SDK1: variants seen among roughly 807,000 people sequenced by gnomAD.
The protein encoded by SDK1 is sidekick cell adhesion molecule 1.
In SDK1, 157 loss-of-function variants were observed where a neutral mutation model predicts 245.5. That is an observed-to-expected ratio of 0.64 (90% CI 0.56 to 0.73). The LOEUF is 0.73. Among genes scored for constraint, SDK1 ranks in the 30% least tolerant of loss-of-function variants. SDK1 has a pLI of 0.00. For missense variants in SDK1, 3,583 were observed against 3,002.3 expected (o/e 1.19, Z -4.52); for synonymous variants, 1,647 against 1,278.5 (o/e 1.29, Z -6.15).
At chr7:4,062,695 A>G (rs781161629) in intron 19 of SDK1, among the ~76,000 whole-genome samples, 38 of 152,232 alleles carry the variant, frequency 2.5e-4, no homozygotes, top group Admixed American at 5.2e-4. Flanking sequence ...CATAGACACA[A>G]AAATCCTCAA....
At chr7:4,227,759 A>G (rs1311946195) in intron 40 of SDK1, among the ~76,000 whole-genome samples, 1 of 152,208 alleles carries the variant, frequency 6.6e-6, no homozygotes. Flanking sequence ...CGTTGGAGGG[A>G]TAAATTGAGT....
At chr7:4,201,677 G>A (rs190317642) in intron 35 of SDK1, among the ~76,000 whole-genome samples, 138 of 151,394 alleles carry the variant, frequency 9.1e-4, no homozygotes, top group African/African-American at 2.4e-3. Flanking sequence ...GGCGCCTGGC[G>A]TGGCACAGCG....
chr7:3,782,392 C>G (rs1033227687), intron 4 of SDK1, among the ~76,000 whole-genome samples: 2 of 152,160 alleles, frequency 1.3e-5, no homozygotes, highest in Admixed American at 6.5e-5. Context: ...GGCCTCACCT[C>G]CAAGAACGTG....
chr7:3,410,986 C>T (rs1475009436), intron 1 of SDK1, among the ~76,000 whole-genome samples: 1 of 152,038 alleles, frequency 6.6e-6, no homozygotes, highest in African/African-American at 2.4e-5. Flanking sequence ...GGACAAAATA[C>T]CTAACACACA....
Position 4,267,996 on chromosome 7 carries a change from G to A in SDK1, c.*2612G>A. On this transcript the variant is annotated 3_prime_UTR_variant, in exon 45 of 45. Coordinates refer to ENST00000404826, the MANE Select transcript of SDK1 (RefSeq NM_152744.4). ...ACAGTTCCTAACTCCTTATCTTCAGGGAAGGAAAAGAAAATCACAGCCTAG... is the reference window on the plus strand; with the variant it reads ...ACAGTTCCTAACTCCTTATCTTCAGAGAAGGAAAAGAAAATCACAGCCTAG... 1.0e-6 allele frequency: 1 copy of A among 985,460 alleles called. No homozygotes were observed. The highest frequency in any genetic ancestry group is 4.7e-5 in the South Asian group (1 of 21,288). The allele number at this position is 985,460 out of a possible 1,614,324, so 61.0% of individuals were successfully genotyped here. A position where few individuals can be genotyped will look rare whatever the true frequency, so the allele number is the denominator to read the frequency against.
chr7:3,773,111 T>A lies in SDK1; in HGVS notation c.714-48339T>A, dbSNP rs1036691032. ...TCAAATTTGGGAAGTTTTCAGCCCT[T>A]ATTTCTTCAAGTATACTTTCTGTTC... On this transcript the variant is annotated intron_variant, in intron 4 of 44. Transcript: ENST00000404826. Among the ~76,000 whole-genome samples the A allele has an allele frequency of 2.2e-4, 33 of 152,362 alleles. 1 individual carries two copies. The highest frequency in any genetic ancestry group is 1.4e-3 in the South Asian group (7 of 4,832).
intron 4 of SDK1, among the ~76,000 whole-genome samples, chr7:3,761,816 G>A (rs571919652): frequency 2.0e-5 from 3 of 152,130 alleles, no homozygotes; most frequent in Non-Finnish European, 4.4e-5. Context: ...AAAATCATAA[G>A]AATAATATGT....
At chr7:3,349,982 A>T (rs1403258279) in intron 1 of SDK1, among the ~76,000 whole-genome samples, 2 of 152,170 alleles carry the variant, frequency 1.3e-5, no homozygotes, top group Non-Finnish European at 2.9e-5. Context: ...TGGACTCTTG[A>T]TGAAGTAGCA....
At chr7:4,001,082 G>A (rs1330227027) in intron 14 of SDK1, among the ~76,000 whole-genome samples, 1 of 152,196 alleles carries the variant, frequency 6.6e-6, no homozygotes, top group African/African-American at 2.4e-5. Context: ...CTCTGGCCCA[G>A]GCTGTCCCAC....
chr7:3,911,045 C>G (rs574710557), intron 5 of SDK1, among the ~76,000 whole-genome samples: 41 of 152,302 alleles, frequency 2.7e-4, no homozygotes, highest in African/African-American at 9.4e-4. Context: ...AGAGGGTGGC[C>G]TTGCCTCTGG....
rs369672576 is a variant in SDK1, at chr7:3,910,115, A to G, written c.848-40808A>G. Reference sequence around the variant, plus strand: ...GAAAAAGAAAAAGTCCTGTGTGCGAATGGCCCCCTGCGTGGTGCTGCGTCA... The same window carrying G: ...GAAAAAGAAAAAGTCCTGTGTGCGAGTGGCCCCCTGCGTGGTGCTGCGTCA... On this transcript the variant is annotated intron_variant, in intron 5 of 44. Coordinates refer to ENST00000404826, the MANE Select transcript of SDK1 (RefSeq NM_152744.4). 5.3e-5 allele frequency among the ~76,000 whole-genome samples: 8 copies of G among 152,218 alleles called. No individual in the cohort carries two copies. The East Asian group carries it at 7.7e-4, about 15-fold the overall frequency.
chr7:3,491,902 G>C (rs1435477647), intron 1 of SDK1, among the ~76,000 whole-genome samples: 1 of 152,122 alleles, frequency 6.6e-6, no homozygotes, highest in Non-Finnish European at 1.5e-5. Flanking sequence ...ATTAACATTG[G>C]TAACAGTATA....
chr7:3,376,137 C>T (rs1278125091), intron 1 of SDK1, among the ~76,000 whole-genome samples: 4 of 152,084 alleles, frequency 2.6e-5, no homozygotes, highest in Admixed American at 1.3e-4. Context: ...TTTGAGGCTG[C>T]AGTGAGCCAT....
intron 4 of SDK1, among the ~76,000 whole-genome samples, chr7:3,805,174 T>TGGA (rs1353499542): frequency 3.9e-5 from 6 of 152,260 alleles, no homozygotes; most frequent in African/African-American, 1.4e-4. Context: ...TTGTGCTATA[T>TGGA]TTTATGCTAC....
chr7:4,101,149 ATTTTTT>A (rs376555352), intron 22 of SDK1, among the ~76,000 whole-genome samples: 1 of 137,708 alleles, frequency 7.3e-6, no homozygotes, highest in South Asian at 2.3e-4. Flanking sequence ...GGACACTTGC[ATTTTTT>A]TTTTTTTTTT....
intron 12 of SDK1, 74 bp downstream of exon 12, chr7:3,971,642 G>C: frequency 6.7e-5 from 74 of 1,102,552 alleles, no homozygotes; most frequent in Non-Finnish European, 9.6e-5. Flanking sequence ...TTGAGATGAG[G>C]AGGAAGAATT....
At chr7:3,989,248 C>G (rs1209068078) in intron 14 of SDK1, among the ~76,000 whole-genome samples, 1 of 152,214 alleles carries the variant, frequency 6.6e-6, no homozygotes, top group Non-Finnish European at 1.5e-5. Flanking sequence ...AAAGTCATGT[C>G]TCACATGGCG....
At chr7:3,505,964 T>C (rs966451897) in intron 1 of SDK1, among the ~76,000 whole-genome samples, 5 of 152,262 alleles carry the variant, frequency 3.3e-5, no homozygotes, top group African/African-American at 7.2e-5. Context: ...ATGTTTGTTA[T>C]AAGCTCTACA....
intron 5 of SDK1, among the ~76,000 whole-genome samples, chr7:3,852,776 A>T (rs896070560): frequency 8.2e-4 from 117 of 142,702 alleles, no homozygotes; most frequent in Middle Eastern, 3.7e-3. Context: ...AAAAAAAAAA[A>T]TTTTTTTCCT....
Sources: gnomAD v4.1 joint callset for allele counts (sites outside exome capture counted in the v4.1 genomes callset) on GRCh38, gnomAD v4.1.1 for gene constraint, MANE v1.5 for transcripts, NCBI Gene and HGNC (gene_info 2026-07-23, HGNC 2026-07-21) for gene names.